The following KCTD8 variants were observed in gnomAD, a reference collection of about 807,000 sequenced individuals.
KCTD8 encodes potassium channel tetramerization domain containing 8, also known as BTB/POZ domain-containing protein KCTD8.
Under a neutral mutation model 31.5 loss-of-function variants are expected in KCTD8, and 27 were observed. The observed-to-expected ratio is 0.86, with a 90% confidence interval of 0.63 to 1.18. KCTD8 has a LOEUF of 1.18. KCTD8 is among the 50% of genes most tolerant of loss of function. The pLI, the probability that KCTD8 is intolerant of heterozygous loss-of-function variation, is 0.00. For missense variants in KCTD8, 658 were observed against 647.7 expected, an observed-to-expected ratio of 1.02 and a Z score of -0.17; for synonymous variants, 290 against 280.0, an observed-to-expected ratio of 1.04 and a Z score of -0.36.
At chr4:44,347,816 G>A (rs1401493467) in intron 1 of KCTD8, among the ~76,000 whole-genome samples, 2 of 152,104 alleles carry the variant, frequency 1.3e-5, no homozygotes, top group Non-Finnish European at 2.9e-5. Context: ...ACGGAATCAT[G>A]CTAATGGCAA....
At chr4:44,325,965 C>A (rs1354865717) in intron 1 of KCTD8, among the ~76,000 whole-genome samples, 2 of 151,926 alleles carry the variant, frequency 1.3e-5, no homozygotes, top group South Asian at 2.1e-4. Flanking sequence ...TGGAGAAGTT[C>A]TTGAGACAGA....
intron 1 of KCTD8, among the ~76,000 whole-genome samples, chr4:44,197,897 C>T (rs373822363): frequency 2.9e-3 from 442 of 152,222 alleles, no homozygotes; most frequent in Non-Finnish European, 5.4e-3. Flanking sequence ...AAACCCAATC[C>T]AAGGAATCCA....
chr4:44,448,554 G>A lies in KCTD8; in HGVS notation c.-31C>T, dbSNP rs768587326. On this transcript the variant is annotated 5_prime_UTR_variant, in exon 1 of 2. Transcript: ENST00000360029. This position sits in a 1 kb window ranked among gnomAD's most constrained non-coding sequence, Gnocchi z 4.1. Reference sequence around the variant, plus strand: ...CCCCGCCGCCGGCCCAGTGACCCGAGAGAGCTGCACTTTCTCGTTCCCGGA... The same window carrying A: ...CCCCGCCGCCGGCCCAGTGACCCGAAAGAGCTGCACTTTCTCGTTCCCGGA... 6 of 1,441,874 alleles carry A rather than the reference G, an allele frequency of 4.2e-6. No homozygotes were observed. Among genetic ancestry groups the A allele is most frequent in the Non-Finnish European group, 4.5e-6 (5 of 1,102,584 alleles). The allele number at this position is 1,441,874 out of a possible 1,614,324, so 89.3% of individuals were successfully genotyped here. A position where few individuals can be genotyped will look rare whatever the true frequency, so the allele number is the denominator to read the frequency against.
chr4:44,403,211 A>T (rs537521167), intron 1 of KCTD8, among the ~76,000 whole-genome samples: 2 of 152,130 alleles, frequency 1.3e-5, no homozygotes, highest in Non-Finnish European at 2.9e-5. Flanking sequence ...GAATTTGTCA[A>T]AATTACTCTG....
intron 1 of KCTD8, among the ~76,000 whole-genome samples, chr4:44,284,870 A>C (rs1717009152): frequency 1.3e-5 from 2 of 152,362 alleles, no homozygotes; most frequent in Non-Finnish European, 1.5e-5. Flanking sequence ...TATATGAAAA[A>C]ATGCTCATCA....
chr4:44,233,242 G>A (rs1418201757), intron 1 of KCTD8, among the ~76,000 whole-genome samples: 1 of 151,926 alleles, frequency 6.6e-6, no homozygotes, highest in Non-Finnish European at 1.5e-5. Flanking sequence ...TACTTTTTGA[G>A]CTTTTAGTTT....
chr4:44,299,545 A>G (rs1335307193), intron 1 of KCTD8, among the ~76,000 whole-genome samples: 9 of 152,042 alleles, frequency 5.9e-5, no homozygotes, highest in Non-Finnish European at 5.9e-5. Context: ...CCTGGCCAAC[A>G]TGGTGAAACT....
chr4:44,421,694 C>T (rs1021578511), intron 1 of KCTD8, among the ~76,000 whole-genome samples: 4 of 152,026 alleles, frequency 2.6e-5, no homozygotes, highest in Admixed American at 2.6e-4. Context: ...AACATATGCA[C>T]CATAGGGGTA....
At chr4:44,302,668 G>A (rs1476058443) in intron 1 of KCTD8, among the ~76,000 whole-genome samples, 1 of 151,706 alleles carries the variant, frequency 6.6e-6, no homozygotes, top group African/African-American at 2.4e-5. Context: ...CTGCAAACAG[G>A]GACAATTTGA....
intron 1 of KCTD8, among the ~76,000 whole-genome samples, chr4:44,322,787 T>C (rs974231698): frequency 6.6e-6 from 1 of 152,080 alleles, no homozygotes; most frequent in Non-Finnish European, 1.5e-5. Flanking sequence ...TGGAGATCCA[T>C]TTTTATTCTT....
intron 1 of KCTD8, among the ~76,000 whole-genome samples, chr4:44,414,287 A>G (rs975921351): frequency 6.6e-6 from 1 of 152,170 alleles, no homozygotes; most frequent in African/African-American, 2.4e-5. Context: ...GATTATTAGA[A>G]AAGTATACTC....
intron 1 of KCTD8, among the ~76,000 whole-genome samples, chr4:44,400,728 CAAAAAAAAAAAA>C (rs34000545): frequency 2.0e-5 from 2 of 100,144 alleles, no homozygotes; most frequent in African/African-American, 4.0e-5. Context: ...GACTCTGTCT[CAAAAAAAAAAAA>C]AAAAAAAAAT....
intron 1 of KCTD8, among the ~76,000 whole-genome samples, chr4:44,247,264 A>G (rs1715693159): frequency 6.6e-6 from 1 of 150,518 alleles, no homozygotes. Flanking sequence ...TCCAAAAGGG[A>G]AAAAAAAGCA....
Position 44,275,389 on chromosome 4 carries a change from C to G in KCTD8, c.962-100139G>C, listed in dbSNP as rs573384148. Among the ~76,000 whole-genome samples the G allele has an allele frequency of 5.9e-5, 9 of 152,000 alleles. No individual in the cohort carries two copies. In the South Asian group the frequency reaches 1.9e-3, roughly 32 times the overall value. ...CCCTCTGTCCCTCCCGCCCTCTCTC[C>G]CTTTTATTTTACCATATGAGAATCA... On this transcript the variant is annotated intron_variant, in intron 1 of 1. Coordinates refer to ENST00000360029, the MANE Select transcript of KCTD8 (RefSeq NM_198353.3).
At chr4:44,213,197 G>A (rs1714546172) in intron 1 of KCTD8, among the ~76,000 whole-genome samples, 1 of 152,168 alleles carries the variant, frequency 6.6e-6, no homozygotes, top group African/African-American at 2.4e-5. Context: ...CGGCCTCCCA[G>A]AGTGCTGGGA....
intron 1 of KCTD8, among the ~76,000 whole-genome samples, chr4:44,337,056 T>C (rs539538454): frequency 7.2e-5 from 11 of 152,242 alleles, no homozygotes; most frequent in African/African-American, 2.6e-4. Flanking sequence ...TGAACTAATA[T>C]GTCATAAAAG....
chr4:44,271,891 C>A (rs1716617342), intron 1 of KCTD8, among the ~76,000 whole-genome samples: 1 of 151,980 alleles, frequency 6.6e-6, no homozygotes, highest in Non-Finnish European at 1.5e-5. Flanking sequence ...CCCTGATTTC[C>A]CACTCCACAA....
chr4:44,370,704 G>C lies in KCTD8; in HGVS notation c.961+76859C>G, dbSNP rs117952058. On this transcript the variant is annotated intron_variant, in intron 1 of 1. Coordinates refer to ENST00000360029, the MANE Select transcript of KCTD8 (RefSeq NM_198353.3). ...AAAACTTCCCAGAAATCCAGTACTAGATTTCAACTTAAATCCCACAGGCCA... is the reference window on the plus strand; with the variant it reads ...AAAACTTCCCAGAAATCCAGTACTACATTTCAACTTAAATCCCACAGGCCA... Among the ~76,000 whole-genome samples the C allele has an allele frequency of 6.6e-4, 100 of 152,260 alleles. No individual in the cohort carries two copies. The East Asian group carries it at 0.019, about 29-fold the overall frequency.
At chr4:44,379,881 C>A (rs1720015874) in intron 1 of KCTD8, among the ~76,000 whole-genome samples, 2 of 151,968 alleles carry the variant, frequency 1.3e-5, no homozygotes, top group African/African-American at 4.8e-5. Context: ...ACACTCAAAG[C>A]CTAAAATTTT....
Sources: allele counts gnomAD v4.1 joint callset (sites outside exome capture counted in the v4.1 genomes callset), GRCh38; gene constraint gnomAD v4.1.1; non-coding constraint Gnocchi (gnomAD v3.1); transcripts MANE v1.5; gene names NCBI Gene and HGNC (gene_info 2026-07-23, HGNC 2026-07-21).